The following TMEFF2 variants were observed in gnomAD, a reference collection of about 807,000 sequenced individuals.
TMEFF2 encodes tomoregulin-2.
In TMEFF2, 28 loss-of-function variants were observed where a neutral mutation model predicts 53.8. The observed-to-expected ratio is 0.52, with a 90% confidence interval of 0.39 to 0.71. The LOEUF is 0.71. Ranked by LOEUF, TMEFF2 falls within the 30% of genes least tolerant of loss-of-function variation. The pLI, the probability that TMEFF2 is intolerant of heterozygous loss-of-function variation, is 0.00. For missense variants in TMEFF2, 353 were observed against 455.2 expected (o/e 0.78, Z 2.04); for synonymous variants, 162 against 166.3 (o/e 0.97, Z 0.20).
chr2:192,194,243 G>T lies in TMEFF2; in HGVS notation c.172+110C>A, dbSNP rs1050459757. Reference sequence around the variant, plus strand: ...AGGTGGGTGGTATTAGGGGTCTAGGGCAGTAGGAGGTGAGGGGCTGAGGAG... The same window carrying T: ...AGGTGGGTGGTATTAGGGGTCTAGGTCAGTAGGAGGTGAGGGGCTGAGGAG... On this transcript the variant is annotated intron_variant, in intron 1 of 9. Transcript: ENST00000272771. This position sits in a 1 kb window ranked among gnomAD's most constrained non-coding sequence, Gnocchi z 4.2. 1.5e-6 allele frequency: 2 copies of T among 1,291,262 alleles called. No individual in the cohort carries two copies. Among genetic ancestry groups the T allele is most frequent in the Non-Finnish European group, 2.2e-6 (2 of 910,188 alleles). The allele number at this position is 1,291,262 out of a possible 1,614,324, so 80.0% of individuals were successfully genotyped here. A position where few individuals can be genotyped will look rare whatever the true frequency, so the allele number is the denominator to read the frequency against.
At chr2:192,151,987 T>C (rs917801155) in intron 4 of TMEFF2, among the ~76,000 whole-genome samples, 1 of 151,740 alleles carries the variant, frequency 6.6e-6, no homozygotes, top group South Asian at 2.1e-4. Flanking sequence ...CTTAGTGGCT[T>C]CTAGAGTGGT....
At chr2:192,104,594 A>C (rs911352795) in intron 4 of TMEFF2, among the ~76,000 whole-genome samples, 1 of 152,118 alleles carries the variant, frequency 6.6e-6, no homozygotes, top group Non-Finnish European at 1.5e-5. Context: ...AACCTCTTCT[A>C]TTCATATTGT....
chr2:191,956,870 T>C (rs1012885663), intron 7 of TMEFF2, among the ~76,000 whole-genome samples: 1 of 152,328 alleles, frequency 6.6e-6, no homozygotes, highest in Non-Finnish European at 1.5e-5. Flanking sequence ...TTTCAACAAA[T>C]GTATTCTTTC....
intron 4 of TMEFF2, among the ~76,000 whole-genome samples, chr2:192,167,267 C>A (rs952844499): frequency 1.8e-4 from 28 of 152,034 alleles, no homozygotes; most frequent in African/African-American, 6.0e-4. Flanking sequence ...GAGAAATATG[C>A]ATGTGGTGGT....
intron 4 of TMEFF2, among the ~76,000 whole-genome samples, chr2:192,158,551 A>T (rs1304655652): frequency 6.6e-6 from 1 of 152,124 alleles, no homozygotes; most frequent in Non-Finnish European, 1.5e-5. Context: ...TCACAAACCC[A>T]TGTAAAAATT....
At chr2:191,974,507 G>T (rs1337469639) in intron 7 of TMEFF2, among the ~76,000 whole-genome samples, 3 of 151,936 alleles carry the variant, frequency 2.0e-5, no homozygotes, top group Admixed American at 2.0e-4. Context: ...ATTGATTTGA[G>T]AATAGTAGAA....
intron 3 of TMEFF2, among the ~76,000 whole-genome samples, chr2:192,181,831 GA>G (rs1559160977): frequency 6.6e-6 from 1 of 151,402 alleles, no homozygotes; most frequent in Non-Finnish European, 1.5e-5. Context: ...AAACAGCCAG[GA>G]AAAAAAAGAA....
At chr2:192,093,485 C>T (rs1388162835) in intron 4 of TMEFF2, among the ~76,000 whole-genome samples, 1 of 152,036 alleles carries the variant, frequency 6.6e-6, no homozygotes, top group Non-Finnish European at 1.5e-5. Context: ...GCTAGGTGTT[C>T]CTTATTTTTA....
At chr2:191,994,770 T>C (rs1686183857) in intron 7 of TMEFF2, among the ~76,000 whole-genome samples, 1 of 151,952 alleles carries the variant, frequency 6.6e-6, no homozygotes. Context: ...GAGACAGACC[T>C]AACTCTAAGC....
At chr2:192,173,110 T>A (rs958927031) in intron 4 of TMEFF2, among the ~76,000 whole-genome samples, 1 of 151,900 alleles carries the variant, frequency 6.6e-6, no homozygotes, top group African/African-American at 2.4e-5. Context: ...AATGACTTAT[T>A]GTATATTTCA....
intron 4 of TMEFF2, among the ~76,000 whole-genome samples, chr2:192,133,847 G>A (rs1295618874): frequency 1.3e-5 from 2 of 152,078 alleles, no homozygotes; most frequent in Non-Finnish European, 2.9e-5. Flanking sequence ...TACCTATCTC[G>A]GCATAATTCT....
intron 5 of TMEFF2, chr2:192,037,179 C>A (rs1687315853): frequency 6.6e-6 from 1 of 151,698 alleles, no homozygotes; most frequent in African/African-American, 2.4e-5. Context: ...TTACTGGCTT[C>A]TTTCTCTTTA....
At chr2:191,969,129 GTGTGTGTATCTA>G (rs1176262153) in intron 7 of TMEFF2, among the ~76,000 whole-genome samples, 2 of 108,306 alleles carry the variant, frequency 1.8e-5, no homozygotes, top group Admixed American at 1.0e-4. Flanking sequence ...TTGTGTATGT[GTGTGTGTATCTA>G]TGTGTGTGTG....
rs779834454 is a variant in TMEFF2, at chr2:192,184,387, T to C, written c.379A>G (p.Ile127Val). The part of the protein sequence containing the change: ...RQAACKQQSE[I>V]LVVSEGSCAT... The stretch of plus-strand genomic sequence containing the variant: ...CATGATCCTTCTGACACCACAAGTA[T>C]CTCACTCTGCTGTTTGCATGCAGCC... Residue 127 changes from isoleucine to valine, a missense_variant, in exon 3 of 10, where the codon ATA becomes GTA. By Grantham distance (29) the Ile-to-Val change is conservative (BLOSUM62 3). This residue lies in a region of TMEFF2 where 294 missense variants were observed against 397.3 expected (regional missense o/e 0.74). Coordinates refer to ENST00000272771, the MANE Select transcript of TMEFF2 (RefSeq NM_016192.4). The C allele has an allele frequency of 6.2e-7, 1 of 1,613,370 alleles. No homozygotes were observed.
intron 4 of TMEFF2, among the ~76,000 whole-genome samples, chr2:192,112,401 G>A (rs148183796): frequency 1.5e-3 from 228 of 152,250 alleles, no homozygotes; most frequent in African/African-American, 5.1e-3. Flanking sequence ...GATTTGCGTG[G>A]GGCCTGTACC....
At chr2:192,130,902 G>A (rs1416997913) in intron 4 of TMEFF2, among the ~76,000 whole-genome samples, 6 of 151,248 alleles carry the variant, frequency 4.0e-5, no homozygotes, top group Non-Finnish European at 7.4e-5. Flanking sequence ...AAACTCCGGC[G>A]CTGGTCACGG....
rs549087157 is a variant in TMEFF2 at position 191,953,911 on chromosome 2, A to T, written c.870-74T>A. On this transcript the variant is annotated intron_variant, in intron 8 of 9. Coordinates refer to ENST00000272771, the MANE Select transcript of TMEFF2 (RefSeq NM_016192.4). ...TTTTTTTTTTTTTTTTTTTTTTGAG[A>T]CGGAGTCTCGCTCTGTCGCCCAGGC... 2.7e-4 allele frequency: 240 copies of T among 876,380 alleles called. No individual in the cohort carries two copies. In the African/African-American group the frequency reaches 6.2e-3, roughly 23 times the overall value. The allele number at this position is 876,380 out of a possible 1,614,324, so 54.3% of individuals were successfully genotyped here.
intron 5 of TMEFF2, among the ~76,000 whole-genome samples, chr2:192,034,481 GTCT>G (rs763935268): frequency 6.6e-6 from 1 of 152,152 alleles, no homozygotes; most frequent in African/African-American, 2.4e-5. Flanking sequence ...TACCTTTTTT[GTCT>G]TCTTTTCCTT....
rs184532864 is a variant in TMEFF2, at chr2:192,162,440, G to A, written c.439+17228C>T. Among the ~76,000 whole-genome samples the A allele has an allele frequency of 1.5e-3, 227 of 152,210 alleles. 1 individual carries two copies. Among genetic ancestry groups the A allele is most frequent in the Middle Eastern group, 6.8e-3 (2 of 294 alleles). On this transcript the variant is annotated intron_variant, in intron 4 of 9. Transcript: ENST00000272771. ...CATTAACCAAAAGCCACTTAAACTC[G>A]TACCATAGTGAAGATTTACAACTTT... is the stretch of plus-strand genomic sequence containing the variant.
Sources: allele counts gnomAD v4.1 joint callset (sites outside exome capture counted in the v4.1 genomes callset), GRCh38; gene constraint gnomAD v4.1.1; regional missense constraint gnomAD v4.1.1; non-coding constraint Gnocchi (gnomAD v3.1); transcripts MANE v1.5; gene names NCBI Gene and HGNC (gene_info 2026-07-23, HGNC 2026-07-21).